The following SLC4A8 variants were observed in gnomAD, a reference collection of about 807,000 sequenced individuals.
The protein encoded by SLC4A8 is electroneutral sodium bicarbonate exchanger 1.
In SLC4A8, 40 loss-of-function variants were observed where a neutral mutation model predicts 125.0. The observed-to-expected ratio is 0.32, with a 90% CI of 0.25 to 0.42. SLC4A8 has a LOEUF of 0.42. Among genes scored for constraint, SLC4A8 ranks in the 10% least tolerant of loss-of-function variants. The pLI is 1.00. For synonymous variants in SLC4A8, 456 were observed against 476.0 expected, an observed-to-expected ratio of 0.96 and a Z score of 0.55; for missense variants, 863 against 1,355.1, an observed-to-expected ratio of 0.64 and a Z score of 5.70.
chr12:51,458,420 G>C (rs1950222570), intron 6 of SLC4A8, 139 bp from the exon 7 acceptor site: 4 of 638,034 alleles, frequency 6.3e-6, no homozygotes, highest in Admixed American at 2.6e-5. Flanking sequence ...ATGTGTGTGG[G>C]TCTTGACTTC....
intron 16 of SLC4A8, among the ~76,000 whole-genome samples, chr12:51,484,131 A>G (rs546573670): frequency 6.6e-4 from 100 of 152,250 alleles, no homozygotes; most frequent in African/African-American, 2.3e-3. Context: ...GGACTCAGTT[A>G]ATTAGATATT....
At chr12:51,425,550 C>A in intron 1 of SLC4A8, 2 of 474,218 alleles carry the variant, frequency 4.2e-6, no homozygotes, top group Non-Finnish European at 5.5e-6. Flanking sequence ...ACTCCCTCTG[C>A]CCCATTGAAC....
chr12:51,450,459 G>C (rs1949928636), intron 2 of SLC4A8, among the ~76,000 whole-genome samples: 2 of 152,172 alleles, frequency 1.3e-5, no homozygotes, highest in Non-Finnish European at 2.9e-5. Context: ...GGGCTGATTT[G>C]AGCCTTACCT....
intron 1 of SLC4A8, among the ~76,000 whole-genome samples, chr12:51,414,909 A>G (rs1948656898): frequency 6.6e-6 from 1 of 152,224 alleles, no homozygotes; most frequent in Non-Finnish European, 1.5e-5. Context: ...TTTAGCATCT[A>G]TGGAAATAAT....
intron 1 of SLC4A8, among the ~76,000 whole-genome samples, chr12:51,403,759 C>T (rs1451927571): frequency 1.3e-5 from 2 of 152,252 alleles, no homozygotes; most frequent in Non-Finnish European, 2.9e-5. Flanking sequence ...AGCCATGTCA[C>T]CCAGGTCTAA....
intron 5 of SLC4A8, among the ~76,000 whole-genome samples, chr12:51,455,183 A>G (rs1218543906): frequency 6.6e-6 from 1 of 150,722 alleles, no homozygotes; most frequent in Non-Finnish European, 1.5e-5. Context: ...ACATAACAAA[A>G]TGGAGTCTCC....
chr12:51,404,528 A>T (rs1270021552), intron 1 of SLC4A8, among the ~76,000 whole-genome samples: 1 of 152,168 alleles, frequency 6.6e-6, no homozygotes, highest in Non-Finnish European at 1.5e-5. Context: ...AGGGCAAGCA[A>T]AAAAGATGAA....
At chr12:51,398,607 T>G (rs1038970328) in intron 1 of SLC4A8, among the ~76,000 whole-genome samples, 2 of 152,258 alleles carry the variant, frequency 1.3e-5, no homozygotes, top group Non-Finnish European at 2.9e-5. Flanking sequence ...TTCTGAAATC[T>G]TAATTGGATT....
At chr12:51,501,318 C>T (rs1181905254) in intron 22 of SLC4A8, among the ~76,000 whole-genome samples, 1 of 152,176 alleles carries the variant, frequency 6.6e-6, no homozygotes, top group African/African-American at 2.4e-5. Context: ...TGTCTTCCGC[C>T]TTTTGGAGTC....
At chr12:51,447,068 G>GTCTATCTATCTATCTATCTATCTATCTA (rs71089801) in intron 2 of SLC4A8, among the ~76,000 whole-genome samples, 1 of 149,394 alleles carries the variant, frequency 6.7e-6, no homozygotes, top group African/African-American at 2.5e-5. Context: ...CTATCTATCT[G>GTCTATCTATCTATCTATCTATCTATCTA]TCTATCTATC....
chr12:51,471,917 G>C (rs1259022332), intron 14 of SLC4A8, among the ~76,000 whole-genome samples: 1 of 152,182 alleles, frequency 6.6e-6, no homozygotes, highest in Non-Finnish European at 1.5e-5. Context: ...AATGGACTCT[G>C]TCCTTTGTTG....
At chr12:51,486,390 C>G (rs1388245687) in intron 17 of SLC4A8, among the ~76,000 whole-genome samples, 2 of 152,198 alleles carry the variant, frequency 1.3e-5, no homozygotes, top group Non-Finnish European at 2.9e-5. Context: ...GGAGCCTCAT[C>G]AGGAGTCTAG....
intron 1 of SLC4A8, among the ~76,000 whole-genome samples, chr12:51,430,177 G>A (rs897497467): frequency 2.0e-5 from 3 of 152,092 alleles, no homozygotes; most frequent in Non-Finnish European, 4.4e-5. Context: ...TGGTAAGTGG[G>A]TGATAATTGA....
intron 17 of SLC4A8, among the ~76,000 whole-genome samples, chr12:51,488,083 T>G (rs1321987599): frequency 6.6e-6 from 1 of 152,242 alleles, no homozygotes; most frequent in African/African-American, 2.4e-5. Context: ...AGTGCAAGAT[T>G]AATGAATATT....
chr12:51,425,478 G>T, intron 1 of SLC4A8: 1 of 977,588 alleles, frequency 1.0e-6, no homozygotes, highest in Non-Finnish European at 1.2e-6. Context: ...GTGGTTCAGA[G>T]GAAAAGCCAG....
At chr12:51,471,216 C>A in intron 13 of SLC4A8, 71 bp from the exon 14 acceptor site, 9 of 1,439,808 alleles carry the variant, frequency 6.3e-6, no homozygotes, top group Non-Finnish European at 8.6e-6. Context: ...AATGAATTAA[C>A]CACATTTCTG....
chr12:51,449,783 G>A (rs1949903638), intron 2 of SLC4A8, among the ~76,000 whole-genome samples: 1 of 152,190 alleles, frequency 6.6e-6, no homozygotes, highest in South Asian at 2.1e-4. Flanking sequence ...ACTCATGCCT[G>A]TAAACCCAGT....
intron 1 of SLC4A8, among the ~76,000 whole-genome samples, chr12:51,429,845 G>C (rs994260213): frequency 6.6e-6 from 1 of 151,718 alleles, no homozygotes; most frequent in African/African-American, 2.4e-5. Context: ...GCTTTTCATA[G>C]GGGGTAGTAA....
chr12:51,425,066 C>G, intron 1 of SLC4A8, 31 bp downstream of exon 1: 1 of 1,543,008 alleles, frequency 6.5e-7, no homozygotes, highest in South Asian at 1.2e-5. Flanking sequence ...CCTCCCGCTC[C>G]TCCCCGGGGC....
Sources: allele counts gnomAD v4.1 joint callset (sites outside exome capture counted in the v4.1 genomes callset), GRCh38; gene constraint gnomAD v4.1.1; transcripts MANE v1.5; gene names NCBI Gene and HGNC (gene_info 2026-07-23, HGNC 2026-07-21).